The following SLC39A10 variants were observed in gnomAD, a reference collection of about 807,000 sequenced individuals.
The protein encoded by SLC39A10 is zinc transporter ZIP10.
Under a neutral mutation model 65.1 loss-of-function variants are expected in SLC39A10, and 13 were observed. The ratio of observed to expected loss-of-function variants is 0.20; its 90% CI spans 0.13 to 0.32. The LOEUF (loss-of-function observed/expected upper bound fraction) is 0.32. SLC39A10 is among the 10% of genes least tolerant of loss of function. The pLI, the probability that SLC39A10 is intolerant of heterozygous loss-of-function variation, is 1.00. For synonymous variants in SLC39A10, 321 were observed against 342.2 expected (o/e 0.94, Z 0.68); for missense variants, 831 against 1,018.4 (o/e 0.82, Z 2.50).
At chr2:195,730,856 A>G (rs1343988122) in intron 9 of SLC39A10, among the ~76,000 whole-genome samples, 3 of 152,216 alleles carry the variant, frequency 2.0e-5, no homozygotes, top group African/African-American at 4.8e-5. Context: ...CTATTCTTCT[A>G]GTTGCTCAAA....
At position 195,725,347 on chromosome 2, in the gene SLC39A10, A is replaced by G. The variant is rs1346184343; in HGVS notation, c.2147-2812A>G. 2.6e-5 allele frequency among the ~76,000 whole-genome samples: 4 copies of G among 152,184 alleles called. No homozygotes were observed. The East Asian group carries it at 7.7e-4, about 29-fold the overall frequency. On this transcript the variant is annotated intron_variant, in intron 8 of 9. Coordinates refer to ENST00000359634, the MANE Select transcript of SLC39A10 (RefSeq NM_020342.3). ...AAAGGGAAGCCACAAACTGGGACAA[A>G]ATATTTGGACAATACATATCTGACA...
Position 195,735,805 on chromosome 2 carries a change from A to ATTTTTTT in SLC39A10, c.*776_*782dup, listed in dbSNP as rs55916294. 2 of 124,378 alleles carry ATTTTTTT rather than the reference A, an allele frequency of 1.6e-5. No homozygotes were observed. Among genetic ancestry groups the ATTTTTTT allele is most frequent in the Non-Finnish European group, 3.3e-5 (2 of 60,136 alleles). The allele number at this position is 124,378 out of a possible 1,614,324, so 7.7% of individuals were successfully genotyped here. ...TGTTTTTTACTTTAATTTTGTTTTG[A>ATTTTTTT]TTTTTTTTTTTTTTTTTTGGCGGGG... On this transcript the variant is annotated 3_prime_UTR_variant, in exon 10 of 10. Coordinates refer to ENST00000359634, the MANE Select transcript of SLC39A10 (RefSeq NM_020342.3).
In SLC39A10 at chr2:195,728,108, G is replaced by C. The variant is rs1268428175; in HGVS notation, c.2147-51G>C. 6.7e-7 allele frequency: 1 copy of C among 1,494,418 alleles called. No individual in the cohort carries two copies. Among genetic ancestry groups the C allele is most frequent in the South Asian group, 1.3e-5 (1 of 78,382 alleles). 92.6% of individuals were successfully genotyped at this position (1,494,418 alleles called of 1,614,324 possible). ...TTATTTGTTTTCTCCTTTCAGATTT[G>C]TGTTTTAAATCCTGTGGTTTTAAAA... is the stretch of plus-strand genomic sequence containing the variant. On this transcript the variant is annotated intron_variant, in intron 8 of 9. Coordinates refer to ENST00000359634, the MANE Select transcript of SLC39A10 (RefSeq NM_020342.3). The surrounding 1 kb of genome is among the most constrained non-coding windows in gnomAD (Gnocchi z 4.4).
chr2:195,630,353 A>G (rs1380075158), intron 2 of SLC39A10, among the ~76,000 whole-genome samples: 1 of 151,826 alleles, frequency 6.6e-6, no homozygotes, highest in Non-Finnish European at 1.5e-5. Context: ...AGGGTGAGGG[A>G]TGGTGGAAGG....
intron 2 of SLC39A10, among the ~76,000 whole-genome samples, chr2:195,643,334 A>G (rs1006280616): frequency 1.3e-5 from 2 of 152,166 alleles, no homozygotes; most frequent in African/African-American, 4.8e-5. Context: ...AGGAGGAGAG[A>G]GAAGGCAGAG....
At chr2:195,664,305 AAAG>A (rs1202478085) in intron 1 of SLC39A10, among the ~76,000 whole-genome samples, 1 of 152,126 alleles carries the variant, frequency 6.6e-6, no homozygotes, top group African/African-American at 2.4e-5. Flanking sequence ...TTTTCCTAAA[AAAG>A]AAATAGATGT....
intron 2 of SLC39A10, among the ~76,000 whole-genome samples, chr2:195,619,954 G>A (rs549085227): frequency 1.3e-5 from 2 of 152,052 alleles, no homozygotes; most frequent in South Asian, 2.1e-4. Context: ...ACAGAGTCTC[G>A]CTCCATCACC....
At chr2:195,658,979 T>A (rs1335312621) in intron 1 of SLC39A10, among the ~76,000 whole-genome samples, 1 of 152,214 alleles carries the variant, frequency 6.6e-6, no homozygotes, top group Non-Finnish European at 1.5e-5. Flanking sequence ...AAATATGACA[T>A]CTATATTTTA....
chr2:195,717,073 T>C, intron 7 of SLC39A10, 68 bp downstream of exon 7: 1 of 1,537,826 alleles, frequency 6.5e-7, no homozygotes, highest in Non-Finnish European at 8.7e-7. Context: ...TAAATTTGGC[T>C]GGAGCTTAAC....
At chr2:195,714,033 T>A (rs1393133844) in intron 6 of SLC39A10, among the ~76,000 whole-genome samples, 1 of 152,074 alleles carries the variant, frequency 6.6e-6, no homozygotes, top group Admixed American at 6.5e-5. Context: ...TTCATGCCAT[T>A]CTCCTGCCTC....
At chr2:195,650,525 G>T (rs1689010567) in intron 2 of SLC39A10, among the ~76,000 whole-genome samples, 1 of 151,986 alleles carries the variant, frequency 6.6e-6, no homozygotes, top group Non-Finnish European at 1.5e-5. Context: ...CTGTCTTCCA[G>T]GAGAGATGCC....
At chr2:195,647,278 C>T (rs1362373050) in intron 2 of SLC39A10, among the ~76,000 whole-genome samples, 1 of 151,590 alleles carries the variant, frequency 6.6e-6, no homozygotes, top group Non-Finnish European at 1.5e-5. Flanking sequence ...TATGATTTCC[C>T]TTCTTGCCCA....
chr2:195,663,334 A>G (rs1244476151), intron 1 of SLC39A10, among the ~76,000 whole-genome samples: 6 of 152,270 alleles, frequency 3.9e-5, no homozygotes, highest in South Asian at 2.1e-4. Context: ...GACTCCTTAC[A>G]TTATTTTGCT....
chr2:195,717,635 G>A (rs898828949), intron 7 of SLC39A10, among the ~76,000 whole-genome samples: 1 of 151,914 alleles, frequency 6.6e-6, no homozygotes, highest in Non-Finnish European at 1.5e-5. Flanking sequence ...TCCCAGGCTG[G>A]TCTTGAACTC....
At chr2:195,716,538 T>C in intron 6 of SLC39A10, 99 bp from the exon 7 acceptor site, 1 of 923,340 alleles carries the variant, frequency 1.1e-6, no homozygotes, top group Non-Finnish European at 1.6e-6. Context: ...CTAAAAGACA[T>C]TCACTTAAGA....
intron 2 of SLC39A10, among the ~76,000 whole-genome samples, chr2:195,622,231 T>C (rs1211541065): frequency 6.6e-6 from 1 of 151,854 alleles, no homozygotes; most frequent in East Asian, 1.9e-4. Context: ...TTGGGCATGG[T>C]GGTGAGTGCC....
rs775629073 is a variant in SLC39A10, at chr2:195,680,186, A to C, written c.144A>C (p.Pro48=). 26 of 1,614,110 alleles carry C rather than the reference A, an allele frequency of 1.6e-5. No individual in the cohort carries two copies. The highest frequency in any genetic ancestry group is 2.2e-5 in the Non-Finnish European group (26 of 1,180,030). The change falls in exon 2 of 10, where the codon CCA becomes CCC. Residue 48 remains proline, a synonymous_variant. Coordinates refer to ENST00000359634, the MANE Select transcript of SLC39A10 (RefSeq NM_020342.3). ...RQHRGMTELE[P]SKFSKQAAEN... is the part of the protein sequence containing the mutation. ...ATCGTGGAATGACAGAATTGGAGCCAAGCAAATTTTCAAAGCAAGCTGCTG... is the reference window on the plus strand; with the variant it reads ...ATCGTGGAATGACAGAATTGGAGCCCAGCAAATTTTCAAAGCAAGCTGCTG...
intron 1 of SLC39A10, among the ~76,000 whole-genome samples, chr2:195,660,714 G>T (rs1689360666): frequency 6.6e-6 from 1 of 152,104 alleles, no homozygotes; most frequent in African/African-American, 2.4e-5. Context: ...AAGTTACCTT[G>T]CTCCAAAAAA....
chr2:195,692,651 T>G (rs1228886478), intron 3 of SLC39A10, among the ~76,000 whole-genome samples: 1 of 152,182 alleles, frequency 6.6e-6, no homozygotes, highest in East Asian at 1.9e-4. Context: ...TTGGTTGCTG[T>G]TGGTGTATAG....
Sources: allele counts gnomAD v4.1 joint callset (sites outside exome capture counted in the v4.1 genomes callset), GRCh38; gene constraint gnomAD v4.1.1; non-coding constraint Gnocchi (gnomAD v3.1); transcripts MANE v1.5; gene names NCBI Gene and HGNC (gene_info 2026-07-23, HGNC 2026-07-21).